The following NLGN3 variants were observed in gnomAD, a reference collection of about 807,000 sequenced individuals.
The protein encoded by NLGN3 is neuroligin-3.
NLGN3 carries 11 observed loss-of-function variants against 42.9 expected under a neutral mutation model. The ratio of observed to expected loss-of-function variants is 0.26; its 90% CI spans 0.16 to 0.42. The LOEUF is 0.42. NLGN3 is among the 10% of genes least tolerant of loss of function. The probability of loss-of-function intolerance (pLI) is 1.00; values close to 1 mark genes in which losing one functional copy is unlikely to be tolerated. For missense variants in NLGN3, 374 were observed against 733.8 expected, an observed-to-expected ratio of 0.51 and a Z score of 5.67; for synonymous variants, 279 against 312.7, an observed-to-expected ratio of 0.89 and a Z score of 1.14.
intron 5 of NLGN3, among the ~76,000 whole-genome samples, chrX:71,163,536 T>C (rs1479490392): frequency 8.9e-6 from 1 of 111,986 alleles, no homozygotes; most frequent in Non-Finnish European, 1.9e-5. Context: ...CTTGGGATCA[T>C]CTACACTTCC....
At chrX:71,169,107 G>A (rs926492220) in intron 7 of NLGN3, 147 bp from the exon 8 acceptor site, 4 of 611,823 alleles carry the variant, frequency 6.5e-6, no homozygotes, top group African/African-American at 4.4e-5. Context: ...GAAGAAGCAG[G>A]TGTGGGCAGA....
intron 7 of NLGN3, among the ~76,000 whole-genome samples, chrX:71,168,936 G>C (rs1210681859): frequency 3.6e-5 from 4 of 109,878 alleles, no homozygotes; most frequent in Non-Finnish European, 5.7e-5. Context: ...ACTTCTGCTT[G>C]CTTAATAAAA....
At position 71,158,986 on chromosome X, in the gene NLGN3, GCACACATGCGTGTGTGCA is replaced by G. The variant is rs755553363; in HGVS notation, c.727+3633_727+3650del. 3.1e-4 allele frequency among the ~76,000 whole-genome samples: 35 copies of G among 111,113 alleles called. No homozygotes were observed. In the South Asian group the frequency reaches 0.013, roughly 41 times the overall value. On this transcript the variant is annotated intron_variant, in intron 5 of 7. Transcript: ENST00000358741. ...GCTATGGACTCTCCCCTGGAACAAT[GCACACATGCGTGTGTGCA>G]CACACATGCATGTGCGCACACACAC...
chrX:71,152,409 TC>T (rs1389356723), intron 3 of NLGN3, among the ~76,000 whole-genome samples: 9 of 110,102 alleles, frequency 8.2e-5, no homozygotes, highest in Non-Finnish European at 1.5e-4. Context: ...TTCCCTTCCT[TC>T]CCCTTTCCCC....
chrX:71,165,070 A>G (rs891252152), intron 6 of NLGN3, among the ~76,000 whole-genome samples: 1 of 112,228 alleles, frequency 8.9e-6, no homozygotes, highest in Non-Finnish European at 1.9e-5. Context: ...TCTTCCTGAA[A>G]TAGGTGCCCT....
At chrX:71,155,098 C>T (rs1189648603) in intron 4 of NLGN3, 116 bp from the exon 5 acceptor site, 6 of 820,820 alleles carry the variant, frequency 7.3e-6, no homozygotes, top group South Asian at 2.2e-5. Context: ...TCAGGGATGG[C>T]GGTGGTGTCC....
Position 71,170,408 on chromosome X carries a change from A to C in NLGN3, c.*311A>C. ...CAGCTCCCTGAATCTGACCACAGAC[A>C]CTCCTGGGGGGCCTGAAAGCAACAG... On this transcript the variant is annotated 3_prime_UTR_variant, in exon 8 of 8. Transcript: ENST00000358741. 1.0e-6 allele frequency: 1 copy of C among 956,178 alleles called. No homozygotes were observed. The allele number at this position is 956,178 out of a possible 1,213,427, so 78.8% of individuals were successfully genotyped here.
downstream of NLGN3, among the ~76,000 whole-genome samples, chrX:71,172,724 T>C (rs1297468187): frequency 9.1e-6 from 1 of 110,436 alleles, no homozygotes; most frequent in Non-Finnish European, 1.9e-5. Flanking sequence ...ATGTGAAAAG[T>C]GTGCTATACC....
chrX:71,159,829 A>C (rs2092423242), intron 5 of NLGN3, among the ~76,000 whole-genome samples: 1 of 103,584 alleles, frequency 9.7e-6, no homozygotes, highest in Non-Finnish European at 2.0e-5. Flanking sequence ...GGTTCAAGCG[A>C]TTCTCGTGCC....
intron 7 of NLGN3, among the ~76,000 whole-genome samples, chrX:71,168,211 G>A (rs2092453211): frequency 9.0e-6 from 1 of 111,052 alleles, no homozygotes; most frequent in Admixed American, 9.6e-5. Context: ...GCATGGTAGT[G>A]CATGCCTGTA....
At chrX:71,148,782 T>TG in intron 2 of NLGN3, 64 bp from the exon 3 acceptor site, 3 of 967,590 alleles carry the variant, frequency 3.1e-6, no homozygotes, top group South Asian at 2.6e-5. Context: ...GCCTGGGGGG[T>TG]GGGGGGTGCA....
At chrX:71,150,277 A>G (rs759210270) in intron 3 of NLGN3, among the ~76,000 whole-genome samples, 1 of 111,794 alleles carries the variant, frequency 8.9e-6, no homozygotes, top group African/African-American at 3.3e-5. Context: ...TCTGCTGCCA[A>G]CTCACAGTGA....
intron 5 of NLGN3, among the ~76,000 whole-genome samples, chrX:71,160,299 C>A (rs1255791873): frequency 9.3e-6 from 1 of 107,431 alleles, no homozygotes; most frequent in African/African-American, 3.4e-5. Context: ...TCACTACAAC[C>A]TCCGCCTCCC....
intron 7 of NLGN3, among the ~76,000 whole-genome samples, chrX:71,168,869 G>GAAAGAAAGAAAGAAAGAAAGAA (rs375278513): frequency 1.4e-5 from 1 of 71,370 alleles, no homozygotes; most frequent in Non-Finnish European, 2.6e-5. Context: ...AAGAAAGAAA[G>GAAAGAAAGAAAGAAAGAAAGAA]AGAAAGAAAA....
chrX:71,166,515 T>C (rs1490700753), intron 6 of NLGN3, among the ~76,000 whole-genome samples: 5 of 110,152 alleles, frequency 4.5e-5, no homozygotes, highest in Non-Finnish European at 9.5e-5. Flanking sequence ...ACAGGTTCCC[T>C]GGAGACTTTC....
chrX:71,159,979 G>A (rs1331434611), intron 5 of NLGN3, among the ~76,000 whole-genome samples: 1 of 94,149 alleles, frequency 1.1e-5, no homozygotes, highest in Admixed American at 1.3e-4. Context: ...CAGGTGATCC[G>A]CCCTCCTCAG....
chrX:71,168,082 C>T (rs762165921), intron 7 of NLGN3, among the ~76,000 whole-genome samples: 16 of 111,526 alleles, frequency 1.4e-4, no homozygotes, highest in Non-Finnish European at 2.8e-4. Flanking sequence ...CAGTGGCTCA[C>T]GGCTGTAATC....
At chrX:71,174,605 G>A (rs987175079), downstream of NLGN3, among the ~76,000 whole-genome samples, 1 of 111,647 alleles carries the variant, frequency 9.0e-6, no homozygotes, top group African/African-American at 3.3e-5. Flanking sequence ...CAGAGTGACT[G>A]GACAGGTAGA....
chrX:71,159,634 T>C (rs1401531259), intron 5 of NLGN3, among the ~76,000 whole-genome samples: 2 of 111,823 alleles, frequency 1.8e-5, no homozygotes, highest in Non-Finnish European at 3.8e-5. Context: ...AAGCCCGTAT[T>C]GGATGCCGGG....
Sources: allele counts gnomAD v4.1 joint callset (sites outside exome capture counted in the v4.1 genomes callset), GRCh38; gene constraint gnomAD v4.1.1; transcripts MANE v1.5; gene names NCBI Gene and HGNC (gene_info 2026-07-23, HGNC 2026-07-21).